Variants in DRC8 observed in about 807,000 individuals in gnomAD.
The protein encoded by DRC8 is dynein regulatory complex protein 8.
chr1:244,992,149 T>G, the DRC8 span, among the ~76,000 whole-genome samples: 1 of 152,174 alleles, frequency 6.6e-6, no homozygotes, highest in Non-Finnish European at 1.5e-5. Flanking sequence ...TTTTCTTCAA[T>G]TTGAAAAAGC....
the DRC8 span, among the ~76,000 whole-genome samples, chr1:245,110,808 T>G: frequency 6.6e-6 from 1 of 152,202 alleles, no homozygotes; most frequent in East Asian, 1.9e-4. Context: ...GAGGAAATGT[T>G]AGTGGCCTCC....
the DRC8 span, among the ~76,000 whole-genome samples, chr1:244,973,784 A>G: frequency 2.0e-5 from 3 of 152,250 alleles, no homozygotes; most frequent in Non-Finnish European, 4.4e-5. Flanking sequence ...CAGGGTACCT[A>G]TCCTATCCAC....
the DRC8 span, among the ~76,000 whole-genome samples, chr1:244,992,450 A>C: frequency 1.3e-5 from 2 of 152,200 alleles, no homozygotes; most frequent in Non-Finnish European, 2.9e-5. Context: ...AAAAGAATGA[A>C]TTTGAAGGCT....
At chr1:245,064,696 C>T in the DRC8 span, among the ~76,000 whole-genome samples, 1 of 152,192 alleles carries the variant, frequency 6.6e-6, no homozygotes, top group African/African-American at 2.4e-5. Context: ...GATTTTTCTT[C>T]ATTAAATGGA....
chr1:244,997,798 G>A, the DRC8 span, among the ~76,000 whole-genome samples: 1 of 152,008 alleles, frequency 6.6e-6, no homozygotes, highest in African/African-American at 2.4e-5. Flanking sequence ...GCCCACCTCG[G>A]CCTCCCAAAG....
At chr1:244,998,490 C>T in the DRC8 span, among the ~76,000 whole-genome samples, 3 of 152,176 alleles carry the variant, frequency 2.0e-5, no homozygotes, top group Admixed American at 6.5e-5. Context: ...GGATTCCAGG[C>T]GTGAGCCACT....
At chr1:244,990,451 C>T in the DRC8 span, among the ~76,000 whole-genome samples, 6 of 152,240 alleles carry the variant, frequency 3.9e-5, no homozygotes, top group South Asian at 2.1e-4. Context: ...ACTTATCCCT[C>T]GTGGATAAGG....
chr1:245,048,010 T>G, the DRC8 span, among the ~76,000 whole-genome samples: 3 of 151,348 alleles, frequency 2.0e-5, no homozygotes, highest in Non-Finnish European at 4.4e-5. Flanking sequence ...GAAAATATAT[T>G]TACTCCTCCT....
chr1:245,094,064 T>C, the DRC8 span, among the ~76,000 whole-genome samples: 1 of 152,206 alleles, frequency 6.6e-6, no homozygotes, highest in Non-Finnish European at 1.5e-5. Context: ...TCTTGCTGGC[T>C]GGTAACCATT....
At chr1:245,061,259 T>G in the DRC8 span, among the ~76,000 whole-genome samples, 1 of 152,158 alleles carries the variant, frequency 6.6e-6, no homozygotes, top group Non-Finnish European at 1.5e-5. Context: ...AGGAATCAAC[T>G]GTTACTTGGT....
At chr1:245,077,527 A>T in the DRC8 span, among the ~76,000 whole-genome samples, 1 of 152,232 alleles carries the variant, frequency 6.6e-6, no homozygotes, top group South Asian at 2.1e-4. Flanking sequence ...AAAAACAGTC[A>T]TATAGACTAT....
At chr1:245,032,285 T>C in the DRC8 span, among the ~76,000 whole-genome samples, 1 of 152,132 alleles carries the variant, frequency 6.6e-6, no homozygotes, top group Non-Finnish European at 1.5e-5. Flanking sequence ...GAAACAAGTG[T>C]TCAGAGGTGC....
the DRC8 span, among the ~76,000 whole-genome samples, chr1:244,992,959 C>G: frequency 1.3e-5 from 2 of 152,166 alleles, no homozygotes; most frequent in Admixed American, 1.3e-4. Flanking sequence ...TGGCAGGAAG[C>G]CTTGGTTCCT....
At chr1:244,976,391 G>T in the DRC8 span, among the ~76,000 whole-genome samples, 1 of 152,084 alleles carries the variant, frequency 6.6e-6, no homozygotes, top group African/African-American at 2.4e-5. Context: ...TCCTGTTTTA[G>T]ACCAATATAA....
At chr1:244,986,960 G>A in the DRC8 span, among the ~76,000 whole-genome samples, 1 of 152,074 alleles carries the variant, frequency 6.6e-6, no homozygotes, top group African/African-American at 2.4e-5. Flanking sequence ...TCTGACTCTT[G>A]CTTCTCATCT....
chr1:245,093,293 C>T, the DRC8 span, among the ~76,000 whole-genome samples: 6 of 151,910 alleles, frequency 3.9e-5, no homozygotes, highest in African/African-American at 1.5e-4. Flanking sequence ...TTTTTTTCTT[C>T]TTTTAAAAAT....
the DRC8 span, among the ~76,000 whole-genome samples, chr1:245,045,255 C>T: frequency 6.6e-6 from 1 of 152,182 alleles, no homozygotes; most frequent in Non-Finnish European, 1.5e-5. Flanking sequence ...GGTGGTCCTC[C>T]CGCCTCAGCC....
the DRC8 span, among the ~76,000 whole-genome samples, chr1:245,072,069 C>T: frequency 6.6e-6 from 1 of 152,180 alleles, no homozygotes; most frequent in Non-Finnish European, 1.5e-5. Flanking sequence ...CACTCTTCTC[C>T]TTTTATTTAT....
chr1:245,065,265 CT>C, the DRC8 span, among the ~76,000 whole-genome samples: 50,895 of 151,198 alleles, frequency 0.34, 8,935 homozygotes, highest in Middle Eastern at 0.41. Context: ...GTTGGCCAGG[CT>C]GGTCTTGAAC....
Sources: gnomAD v4.1 joint callset for allele counts (sites outside exome capture counted in the v4.1 genomes callset) on GRCh38, gnomAD v4.1.1 for gene constraint, MANE v1.5 for transcripts, NCBI Gene and HGNC (gene_info 2026-07-23, HGNC 2026-07-21) for gene names.